PLEKHG1: variants seen among roughly 807,000 people sequenced by gnomAD.
The protein encoded by PLEKHG1 is pleckstrin homology domain-containing family G member 1.
A neutral mutation model predicts 100.8 loss-of-function variants in PLEKHG1; 44 were observed. The observed-to-expected ratio is 0.44, with a 90% CI of 0.34 to 0.56. The LOEUF is 0.56. Ranked by LOEUF, PLEKHG1 falls within the 20% of genes least tolerant of loss-of-function variation. PLEKHG1 has a pLI of 0.01. For synonymous variants in PLEKHG1, 640 were observed against 662.5 expected (o/e 0.97, Z 0.52); for missense variants, 1,545 against 1,720.9 (o/e 0.90, Z 1.81).
intron 3 of PLEKHG1, among the ~76,000 whole-genome samples, chr6:150,783,538 T>C (rs1785444819): frequency 6.6e-6 from 1 of 152,040 alleles, no homozygotes; most frequent in African/African-American, 2.4e-5. Context: ...CCCAGCTAAT[T>C]TTTGAATTTT....
intron 2 of PLEKHG1, among the ~76,000 whole-genome samples, chr6:150,738,541 C>T (rs1045220013): frequency 4.6e-5 from 7 of 152,082 alleles, no homozygotes; most frequent in Admixed American, 2.0e-4. Context: ...GTGGAGACAT[C>T]GTATTAAAAT....
At chr6:150,837,225 TTGTG>T (rs1169026468) in intron 15 of PLEKHG1, among the ~76,000 whole-genome samples, 13 of 150,952 alleles carry the variant, frequency 8.6e-5, no homozygotes, top group African/African-American at 2.5e-4. Flanking sequence ...GCAATACAAA[TTGTG>T]TGTGTCTGCA....
At chr6:150,843,559 T>G (rs1157797975) in exon 16 of PLEKHG1, 1 of 145,746 alleles carries the variant, frequency 6.9e-6, no homozygotes, top group African/African-American at 2.5e-5. Flanking sequence ...GCTCTATTCT[T>G]TGTGGGGAAA....
chr6:150,624,653 T>C (rs998855998), intron 1 of PLEKHG1: 1 of 152,158 alleles, frequency 6.6e-6, no homozygotes, highest in African/African-American at 2.4e-5. Flanking sequence ...GCTGAAAACT[T>C]TCTATGCACC....
At position 150,839,830 on chromosome 6, in the gene PLEKHG1, C is replaced by T. The variant is rs1777420135; in HGVS notation, c.3095-3C>T. 4 of 1,575,140 alleles carry T rather than the reference C, an allele frequency of 2.5e-6. No homozygotes were observed. In the East Asian group the frequency reaches 9.0e-5, roughly 35 times the overall value. ...ATTTACTGTTTCAATATTTGCCTTC[C>T]AGGTGCCAGGATTGCTGAGTATTCC... On this transcript the variant is annotated splice_polypyrimidine_tract_variant and splice_region_variant and intron_variant, in intron 15 of 15. Transcript: ENST00000358517.
rs1312083796 is a variant in PLEKHG1 at position 150,703,413 on chromosome 6, C to T, written c.-98-30171C>T. Among the ~76,000 whole-genome samples, 41 of 152,030 alleles carry T rather than the reference C, an allele frequency of 2.7e-4. 1 individual carries two copies. The highest frequency in any genetic ancestry group is 2.7e-3 in the Admixed American group (41 of 15,268). ...CTCAGGAGTTAAAGACCAGCCTGGC[C>T]AACATGGTGAAACCCCATCTCTACT... On this transcript the variant is annotated intron_variant, in intron 3 of 3. Coordinates refer to the PLEKHG1 transcript ENST00000367326.
At chr6:150,722,101 A>G (rs1781708248) in intron 1 of PLEKHG1, among the ~76,000 whole-genome samples, 1 of 152,128 alleles carries the variant, frequency 6.6e-6, no homozygotes, top group African/African-American at 2.4e-5. Context: ...ATATTCCTTC[A>G]ATCTATTTCT....
chr6:150,771,956 T>G (rs1220920498), intron 3 of PLEKHG1, among the ~76,000 whole-genome samples: 2 of 152,188 alleles, frequency 1.3e-5, no homozygotes, highest in Admixed American at 6.5e-5. Context: ...ATTACTCCTT[T>G]CTTTGTGTCT....
intron 1 of PLEKHG1, among the ~76,000 whole-genome samples, chr6:150,619,243 A>T (rs1744943617): frequency 6.6e-6 from 1 of 152,054 alleles, no homozygotes; most frequent in Non-Finnish European, 1.5e-5. Context: ...TGAGTTTTGC[A>T]CTCAGTTTCT....
At chr6:150,724,944 C>T (rs912278568) in intron 1 of PLEKHG1, among the ~76,000 whole-genome samples, 1 of 152,162 alleles carries the variant, frequency 6.6e-6, no homozygotes, top group African/African-American at 2.4e-5. Context: ...GCATTAGCTG[C>T]CTTAAGTAGA....
chr6:150,624,812 A>G (rs1347820641), intron 1 of PLEKHG1: 1 of 152,228 alleles, frequency 6.6e-6, no homozygotes, highest in African/African-American at 2.4e-5. Flanking sequence ...TACGAATTTC[A>G]TACTTGAAAT....
chr6:150,821,834 T>G (rs1422968641), intron 13 of PLEKHG1, among the ~76,000 whole-genome samples: 1 of 7,824 alleles, frequency 1.3e-4, no homozygotes, highest in African/African-American at 2.5e-4. Context: ...ACTCTTTTAT[T>G]TTTTTTTTTA....
chr6:150,687,186 T>C (rs1240012485), intron 3 of PLEKHG1, among the ~76,000 whole-genome samples: 1 of 152,260 alleles, frequency 6.6e-6, no homozygotes, highest in Non-Finnish European at 1.5e-5. Context: ...AAGACTTCAG[T>C]AGTCACGTAA....
At chr6:150,656,813 A>C (rs1293754431) in intron 3 of PLEKHG1, among the ~76,000 whole-genome samples, 1 of 152,176 alleles carries the variant, frequency 6.6e-6, no homozygotes, top group Admixed American at 6.5e-5. Flanking sequence ...TTGAAGCAAT[A>C]ATTGCATTCT....
intron 2 of PLEKHG1, among the ~76,000 whole-genome samples, chr6:150,746,786 G>T (rs1018191219): frequency 3.3e-5 from 5 of 152,216 alleles, no homozygotes; most frequent in Admixed American, 2.6e-4. Context: ...TACATTTGTA[G>T]TTTCAGAGTG....
At chr6:150,701,619 A>C (rs1582966938) in intron 3 of PLEKHG1, among the ~76,000 whole-genome samples, 1 of 101,134 alleles carries the variant, frequency 9.9e-6, no homozygotes, top group African/African-American at 3.4e-5. Context: ...CTCACCCCAC[A>C]GTGGCCCCGG....
At chr6:150,671,088 C>CAT (rs10566696) in intron 3 of PLEKHG1, among the ~76,000 whole-genome samples, 13,097 of 147,250 alleles carry the variant, frequency 0.089, 646 homozygotes, top group South Asian at 0.16. Flanking sequence ...AGTATTCCAT[C>CAT]ATATATATAT....
intron 2 of PLEKHG1, among the ~76,000 whole-genome samples, chr6:150,749,930 G>C (rs1400219449): frequency 6.6e-6 from 1 of 151,952 alleles, no homozygotes; most frequent in Non-Finnish European, 1.5e-5. Flanking sequence ...AAATGAGCCG[G>C]GCATGGTGGC....
intron 3 of PLEKHG1, among the ~76,000 whole-genome samples, chr6:150,697,004 C>T (rs551538512): frequency 2.6e-4 from 40 of 151,176 alleles, no homozygotes; most frequent in Non-Finnish European, 3.5e-4. Context: ...GGCTGAGGCA[C>T]GAGAATTGCC....
Sources: gnomAD v4.1 joint callset for allele counts (sites outside exome capture counted in the v4.1 genomes callset) on GRCh38, gnomAD v4.1.1 for gene constraint, MANE v1.5 for transcripts, NCBI Gene and HGNC (gene_info 2026-07-23, HGNC 2026-07-21) for gene names.